The following COL19A1 variants were observed in gnomAD, a reference collection of about 807,000 sequenced individuals.
COL19A1 encodes collagen type XIX alpha 1 chain, also known as collagen alpha-1(XIX) chain.
COL19A1 carries 159 observed loss-of-function variants against 190.2 expected under a neutral mutation model. The observed-to-expected ratio is 0.84, with a 90% CI of 0.73 to 0.95. The LOEUF (loss-of-function observed/expected upper bound fraction) is 0.95, where lower values mean the gene tolerates loss of function less well. Among genes scored for constraint, COL19A1 ranks in the 40% least tolerant of loss-of-function variants. The pLI, the probability that COL19A1 is intolerant of heterozygous loss-of-function variation, is 0.00. For missense variants in COL19A1, 1,418 were observed against 1,431.9 expected (o/e 0.99, Z 0.16); for synonymous variants, 509 against 458.9 (o/e 1.11, Z -1.39).
intron 9 of COL19A1, among the ~76,000 whole-genome samples, chr6:69,952,239 T>G (rs1400576487): frequency 6.6e-6 from 1 of 151,826 alleles, no homozygotes; most frequent in Non-Finnish European, 1.5e-5. Context: ...GGAAAAAAAT[T>G]TGCTTGGTTT....
At position 69,959,088 on chromosome 6, in the gene COL19A1, C is replaced by G. The variant is rs147263357; in HGVS notation, c.937-908C>G. Among the ~76,000 whole-genome samples the G allele has an allele frequency of 1.5e-3, 234 of 152,252 alleles. 3 individuals carry two copies. The highest frequency in any genetic ancestry group is 5.2e-3 in the African/African-American group (218 of 41,536). ...TATAAGCAGGAAAATTCCTAAAACT[C>G]TATTGAGAATATGCACATCCTCTCA... On this transcript the variant is annotated intron_variant, in intron 9 of 50. Transcript: ENST00000620364.
chr6:69,950,999 A>G (rs1774093930), intron 9 of COL19A1, among the ~76,000 whole-genome samples: 1 of 151,922 alleles, frequency 6.6e-6, no homozygotes, highest in South Asian at 2.1e-4. Flanking sequence ...TTGAACAAAT[A>G]TAGAGCCTAA....
intron 27 of COL19A1, among the ~76,000 whole-genome samples, chr6:70,147,718 A>G (rs757140826): frequency 6.6e-6 from 1 of 152,118 alleles, no homozygotes; most frequent in Admixed American, 6.5e-5. Context: ...TAGTCAATTC[A>G]TGTCTGACAC....
chr6:69,882,574 T>C (rs1279860958), intron 2 of COL19A1, among the ~76,000 whole-genome samples: 2 of 152,136 alleles, frequency 1.3e-5, no homozygotes, highest in Non-Finnish European at 2.9e-5. Flanking sequence ...TATATCATCA[T>C]AAAAAGCAAT....
chr6:69,888,064 G>A (rs559677055), intron 2 of COL19A1, among the ~76,000 whole-genome samples: 4 of 152,298 alleles, frequency 2.6e-5, no homozygotes, highest in South Asian at 2.1e-4. Context: ...CTGACAGGGT[G>A]TGCTGTTTTG....
intron 4 of COL19A1, among the ~76,000 whole-genome samples, chr6:69,907,416 CA>C (rs1207369034): frequency 6.6e-6 from 1 of 152,134 alleles, no homozygotes; most frequent in East Asian, 1.9e-4. Context: ...AGGCATGAGC[CA>C]CTGCGCCCGG....
At chr6:70,188,722 T>C (rs1766682074) in intron 47 of COL19A1, among the ~76,000 whole-genome samples, 1 of 152,186 alleles carries the variant, frequency 6.6e-6, no homozygotes, top group East Asian at 1.9e-4. Flanking sequence ...AGTAGTGCCT[T>C]GAAGTAGAAA....
At chr6:69,975,962 T>C (rs554552466) in intron 11 of COL19A1, among the ~76,000 whole-genome samples, 6 of 152,302 alleles carry the variant, frequency 3.9e-5, no homozygotes, top group African/African-American at 1.2e-4. Flanking sequence ...TAAACCAAAC[T>C]CATAACACAT....
rs60146897 is a variant in COL19A1 at position 69,868,988 on chromosome 6, G to A, written c.-33+2348G>A. Among the ~76,000 whole-genome samples, 1,412 of 152,006 alleles carry A rather than the reference G, an allele frequency of 9.3e-3. 20 individuals carry two copies. Among genetic ancestry groups the A allele is most frequent in the African/African-American group, 0.03 (1,231 of 41,452 alleles). The stretch of plus-strand genomic sequence containing the variant: ...GTATGAAAAATAAACTGAAATGCAA[G>A]GAAGTAGGGCTATAGATATGCTAAT... On this transcript the variant is annotated intron_variant, in intron 1 of 50. Coordinates refer to ENST00000620364, the MANE Select transcript of COL19A1 (RefSeq NM_001858.6).
At chr6:70,071,333 G>A (rs1781542252) in intron 15 of COL19A1, among the ~76,000 whole-genome samples, 2 of 151,784 alleles carry the variant, frequency 1.3e-5, no homozygotes, top group African/African-American at 2.4e-5. Context: ...CAAGTACCAC[G>A]CCAAGGTTCT....
chr6:69,954,156 A>G (rs994589167), intron 9 of COL19A1, among the ~76,000 whole-genome samples: 4 of 152,018 alleles, frequency 2.6e-5, no homozygotes, highest in Admixed American at 6.6e-5. Flanking sequence ...ATTAAACTCA[A>G]AACACATGCA....
intron 14 of COL19A1, 125 bp downstream of exon 14, chr6:70,036,064 T>C (rs1231303512): frequency 4.6e-6 from 4 of 861,668 alleles, no homozygotes; most frequent in Non-Finnish European, 7.5e-6. Context: ...TTCGAGTACA[T>C]GTAGTCAAAC....
chr6:70,169,272 G>T (rs191897791), intron 40 of COL19A1, among the ~76,000 whole-genome samples: 36 of 152,274 alleles, frequency 2.4e-4, no homozygotes, highest in Middle Eastern at 3.4e-3. Context: ...CTCTGTAAAA[G>T]TTCTGCCAAA....
chr6:69,875,069 A>ATACG (rs1686055528), intron 1 of COL19A1, among the ~76,000 whole-genome samples: 1 of 152,262 alleles, frequency 6.6e-6, no homozygotes, highest in African/African-American at 2.4e-5. Context: ...AGCAATAAAC[A>ATACG]TACGTATACA....
chr6:69,981,523 A>G (rs963123747), intron 11 of COL19A1, among the ~76,000 whole-genome samples: 1 of 152,158 alleles, frequency 6.6e-6, no homozygotes, highest in South Asian at 2.1e-4. Context: ...AAAATTTGGA[A>G]AAATACTTAC....
At chr6:70,065,418 A>C (rs1781116626) in intron 14 of COL19A1, among the ~76,000 whole-genome samples, 1 of 152,216 alleles carries the variant, frequency 6.6e-6, no homozygotes, top group African/African-American at 2.4e-5. Flanking sequence ...TAGAAAGCTG[A>C]AACTGGGTCC....
chr6:70,051,566 C>A (rs1780201832), intron 14 of COL19A1, among the ~76,000 whole-genome samples: 1 of 152,076 alleles, frequency 6.6e-6, no homozygotes, highest in South Asian at 2.1e-4. Context: ...TGCCCTTTGC[C>A]AAAAGGGAGA....
intron 34 of COL19A1, among the ~76,000 whole-genome samples, chr6:70,160,216 A>T (rs1182176836): frequency 6.6e-6 from 1 of 152,086 alleles, no homozygotes; most frequent in East Asian, 1.9e-4. Context: ...ACTTACAATC[A>T]TGACAGAAGG....
intron 40 of COL19A1, among the ~76,000 whole-genome samples, chr6:70,171,190 G>A (rs903585956): frequency 1.3e-5 from 2 of 152,260 alleles, no homozygotes; most frequent in East Asian, 3.9e-4. Flanking sequence ...TATCGTTAGT[G>A]TTAGTGTATT....
Sources: gnomAD v4.1 joint callset for allele counts (sites outside exome capture counted in the v4.1 genomes callset) on GRCh38, gnomAD v4.1.1 for gene constraint, MANE v1.5 for transcripts, NCBI Gene and HGNC (gene_info 2026-07-23, HGNC 2026-07-21) for gene names.